Variants in CDC14B observed in about 807,000 individuals in gnomAD.
CDC14B encodes dual specificity protein phosphatase CDC14B.
Under a neutral mutation model 64.2 loss-of-function variants are expected in CDC14B, and 22 were observed. The observed-to-expected ratio is 0.34, with a 90% CI of 0.24 to 0.49. The LOEUF is 0.49. Ranked by LOEUF, CDC14B falls within the 20% of genes least tolerant of loss-of-function variation. CDC14B has a pLI of 0.99. For synonymous variants in CDC14B, 191 were observed against 215.8 expected (o/e 0.89, Z 1.01); for missense variants, 498 against 629.9 (o/e 0.79, Z 2.24).
At chr9:96,612,355 T>C (rs1386364858) in intron 1 of CDC14B, among the ~76,000 whole-genome samples, 3 of 152,240 alleles carry the variant, frequency 2.0e-5, no homozygotes, top group Non-Finnish European at 1.5e-5. Context: ...AGCCTGCCCT[T>C]TGTCCTCGCA....
intron 1 of CDC14B, among the ~76,000 whole-genome samples, chr9:96,600,271 A>AT (rs899508934): frequency 1.6e-4 from 24 of 150,986 alleles, no homozygotes; most frequent in African/African-American, 5.8e-4. Flanking sequence ...ATGCAAATAC[A>AT]TTTTTTAAAA....
chr9:96,606,855 C>T (rs1027960146), intron 1 of CDC14B, among the ~76,000 whole-genome samples: 7 of 151,864 alleles, frequency 4.6e-5, no homozygotes, highest in Non-Finnish European at 1.0e-4. Context: ...CGTGAGCCAC[C>T]GTGCCTGGCC....
At chr9:96,608,823 ATATACT>A (rs1366766089) in intron 1 of CDC14B, among the ~76,000 whole-genome samples, 3 of 152,094 alleles carry the variant, frequency 2.0e-5, no homozygotes, top group East Asian at 1.9e-4. Context: ...AATTATTAAC[ATATACT>A]TATATATGAT....
At chr9:96,508,313 GC>G (rs1348469927) in intron 13 of CDC14B, among the ~76,000 whole-genome samples, 1 of 152,176 alleles carries the variant, frequency 6.6e-6, no homozygotes, top group Non-Finnish European at 1.5e-5. Context: ...ACCGCACCCG[GC>G]CCATACTTCA....
At chr9:96,576,555 C>T (rs536440454) in intron 1 of CDC14B, among the ~76,000 whole-genome samples, 16 of 148,400 alleles carry the variant, frequency 1.1e-4, no homozygotes, top group Middle Eastern at 3.4e-3. Context: ...ATTGCTTGAA[C>T]CCAGGATGCA....
At chr9:96,545,406 C>T (rs1409706558) in intron 5 of CDC14B, among the ~76,000 whole-genome samples, 1 of 151,580 alleles carries the variant, frequency 6.6e-6, no homozygotes, top group Non-Finnish European at 1.5e-5. Context: ...TAAGCTCCAC[C>T]TCCTGGGTTC....
chr9:96,574,900 G>A (rs1554774136), intron 1 of CDC14B, among the ~76,000 whole-genome samples: 2 of 152,146 alleles, frequency 1.3e-5, no homozygotes, highest in Non-Finnish European at 1.5e-5. Flanking sequence ...AGCACAGAGT[G>A]AGATAAGAAA....
intron 5 of CDC14B, among the ~76,000 whole-genome samples, chr9:96,543,495 A>G (rs1415361918): frequency 6.6e-6 from 1 of 152,192 alleles, no homozygotes; most frequent in African/African-American, 2.4e-5. Flanking sequence ...CAAGTCAACT[A>G]CCTTCCACAG....
At chr9:96,563,043 T>C (rs1843427875) in intron 3 of CDC14B, among the ~76,000 whole-genome samples, 1 of 152,220 alleles carries the variant, frequency 6.6e-6, no homozygotes, top group Non-Finnish European at 1.5e-5. Flanking sequence ...GGGCTGCTTC[T>C]GAAAGAGCAA....
At chr9:96,618,698 G>T in intron 1 of CDC14B, 2 of 439,084 alleles carry the variant, frequency 4.6e-6, no homozygotes, top group South Asian at 1.7e-5. Context: ...CGCCGGACGG[G>T]CAACGCGGCG....
chr9:96,496,408 C>CACT (rs2131184282), downstream of CDC14B: 1 of 478,070 alleles, frequency 2.1e-6, no homozygotes, highest in Non-Finnish European at 4.2e-6. Flanking sequence ...CCACCACCAC[C>CACT]ACCACAGGGC....
Position 96,523,269 on chromosome 9 carries a change from G to A in CDC14B, c.1237C>T (p.Pro413Ser). ...NGVENQDQQE[P>S]EPYSDDDEIN... ...AGAAACGGCTTGATTACCGGTTCGG[G>A]TTCTTGCTGATCTTGATTCTCGACC... Residue 413 changes from proline to serine, a missense_variant, in exon 11 of 14, where the codon CCC (proline) becomes TCC (serine). Transcript: ENST00000375241. The A allele has an allele frequency of 6.2e-7, 1 of 1,613,962 alleles. No individual in the cohort carries two copies. Among genetic ancestry groups the A allele is most frequent in the Non-Finnish European group, 8.5e-7 (1 of 1,179,914 alleles).
chr9:96,589,570 G>A (rs143343119), intron 1 of CDC14B, among the ~76,000 whole-genome samples: 35 of 152,114 alleles, frequency 2.3e-4, no homozygotes, highest in Non-Finnish European at 3.7e-4. Context: ...TGATCTTCAG[G>A]AGCCTAATGT....
intron 1 of CDC14B, among the ~76,000 whole-genome samples, chr9:96,584,527 T>C (rs535826936): frequency 6.6e-6 from 1 of 152,334 alleles, no homozygotes; most frequent in South Asian, 2.1e-4. Context: ...TCTTCTAGGA[T>C]AAGCCAAGAA....
At position 96,502,940 on chromosome 9, in the gene CDC14B, G is replaced by A. The variant is rs1833687661; in HGVS notation, c.*813C>T. On this transcript the variant is annotated 3_prime_UTR_variant, in exon 14 of 14. Coordinates refer to ENST00000375241, the MANE Select transcript of CDC14B (RefSeq NM_033331.4). ...AGTGTGTTTCTTCCATTCATGGAAGGAAATATGATTTTAATTTGTATGACT... is the reference window on the plus strand; with the variant it reads ...AGTGTGTTTCTTCCATTCATGGAAGAAAATATGATTTTAATTTGTATGACT... 1 of 398,276 alleles carries A rather than the reference G, an allele frequency of 2.5e-6. No individual in the cohort carries two copies. Among genetic ancestry groups the A allele is most frequent in the Non-Finnish European group, 4.4e-6 (1 of 225,916 alleles). The allele number at this position is 398,276 out of a possible 1,614,324, so 24.7% of individuals were successfully genotyped here. A position where few individuals can be genotyped will look rare whatever the true frequency, so the allele number is the denominator to read the frequency against.
intron 1 of CDC14B, among the ~76,000 whole-genome samples, chr9:96,597,784 ATGTT>A (rs1846184809): frequency 6.6e-6 from 1 of 152,238 alleles, no homozygotes; most frequent in Non-Finnish European, 1.5e-5. Context: ...ACATGGAGAA[ATGTT>A]TAAGAGTTTA....
intron 1 of CDC14B, among the ~76,000 whole-genome samples, chr9:96,614,664 AATAGAG>A (rs1209407346): frequency 9.9e-5 from 15 of 152,218 alleles, no homozygotes; most frequent in African/African-American, 3.6e-4. Context: ...GGGATGGGAA[AATAGAG>A]ATAAAGATTC....
At chr9:96,504,296 C>T (rs1047702109) in intron 13 of CDC14B, among the ~76,000 whole-genome samples, 3 of 152,186 alleles carry the variant, frequency 2.0e-5, no homozygotes, top group Non-Finnish European at 4.4e-5. Context: ...AGGCACCCCA[C>T]GGGCTACCTG....
At chr9:96,606,132 G>A (rs930945769) in intron 1 of CDC14B, among the ~76,000 whole-genome samples, 52 of 151,538 alleles carry the variant, frequency 3.4e-4, no homozygotes, top group African/African-American at 1.1e-3. Flanking sequence ...TCAGAAGTTC[G>A]AGACCAGCCT....
Sources: allele counts gnomAD v4.1 joint callset (sites outside exome capture counted in the v4.1 genomes callset), GRCh38; gene constraint gnomAD v4.1.1; transcripts MANE v1.5; gene names NCBI Gene and HGNC (gene_info 2026-07-23, HGNC 2026-07-21).